The following RBFOX1 variants were observed in gnomAD, a reference collection of about 807,000 sequenced individuals.
RBFOX1 encodes the protein RNA binding fox-1 homolog 1, also known as RNA binding protein fox-1 homolog 1.
A neutral mutation model predicts 57.7 loss-of-function variants in RBFOX1; 8 were observed. That is an observed-to-expected ratio of 0.14 (90% confidence interval 0.08 to 0.25). The LOEUF (loss-of-function observed/expected upper bound fraction) is 0.25. Among genes scored for constraint, RBFOX1 ranks in the 10% least tolerant of loss-of-function variants. The pLI, the probability that RBFOX1 is intolerant of heterozygous loss-of-function variation, is 1.00. For missense variants in RBFOX1, 611 were observed against 548.5 expected (o/e 1.11, Z -1.14); for synonymous variants, 326 against 222.4 (o/e 1.47, Z -4.15).
chr16:6,153,198 A>G (rs2096812025), intron 1 of RBFOX1, among the ~76,000 whole-genome samples: 1 of 152,064 alleles, frequency 6.6e-6, no homozygotes. Flanking sequence ...TAGAAACACT[A>G]AGCAAAAGAA....
chr16:7,044,535 T>A (rs564387676), intron 3 of RBFOX1, among the ~76,000 whole-genome samples: 76 of 152,284 alleles, frequency 5.0e-4, no homozygotes, highest in Admixed American at 9.2e-4. Context: ...CATGCTGAAG[T>A]TTATTGCTTC....
At chr16:5,904,508 A>G (rs576979400) in intron 4 of RBFOX1, among the ~76,000 whole-genome samples, 2 of 151,798 alleles carry the variant, frequency 1.3e-5, no homozygotes, top group South Asian at 4.2e-4. Flanking sequence ...GAATGTGGGG[A>G]TGGTGGTGGG....
At chr16:5,796,446 A>G (rs2054881783) in intron 3 of RBFOX1, among the ~76,000 whole-genome samples, 1 of 152,200 alleles carries the variant, frequency 6.6e-6, no homozygotes, top group Non-Finnish European at 1.5e-5. Context: ...AAAGCATCAC[A>G]TGGGGTCAGA....
intron 4 of RBFOX1, among the ~76,000 whole-genome samples, chr16:5,913,062 C>T (rs192206682): frequency 7.9e-5 from 12 of 152,266 alleles, no homozygotes; most frequent in Admixed American, 5.2e-4. Context: ...TGACCTTAGG[C>T]GAGTCCCTTG....
intron 4 of RBFOX1, among the ~76,000 whole-genome samples, chr16:7,077,352 T>C (rs975878463): frequency 6.6e-6 from 1 of 152,216 alleles, no homozygotes; most frequent in African/African-American, 2.4e-5. Context: ...CAATGAGTTT[T>C]ACGTGATGAA....
rs139630775 is a variant in RBFOX1, at chr16:6,348,801, C to T, written c.-64+31744C>T. Among the ~76,000 whole-genome samples, 542 of 152,234 alleles carry T rather than the reference C, an allele frequency of 3.6e-3. 2 individuals carry two copies. Among genetic ancestry groups the T allele is most frequent in the Non-Finnish European group, 4.7e-3 (323 of 68,024 alleles). ...TCCACACCCTTGATCCCATCACCTCCCATCAGGCCCCACCTCCAACACTGG... is the reference window on the plus strand; with the variant it reads ...TCCACACCCTTGATCCCATCACCTCTCATCAGGCCCCACCTCCAACACTGG... On this transcript the variant is annotated intron_variant, in intron 2 of 15. Coordinates refer to ENST00000550418, the MANE Select transcript of RBFOX1 (RefSeq NM_018723.4).
intron 4 of RBFOX1, among the ~76,000 whole-genome samples, chr16:5,987,221 G>T (rs901654218): frequency 6.6e-6 from 1 of 151,926 alleles, no homozygotes; most frequent in African/African-American, 2.4e-5. Flanking sequence ...TAATTGGATT[G>T]GTTTTTTTCT....
chr16:7,119,121 T>C (rs1287048111), intron 4 of RBFOX1, among the ~76,000 whole-genome samples: 2 of 152,142 alleles, frequency 1.3e-5, no homozygotes, highest in Admixed American at 6.6e-5. Flanking sequence ...AGTGTTGCAA[T>C]GTATGTGTGC....
At chr16:5,615,724 G>T (rs1251021819) in intron 3 of RBFOX1, among the ~76,000 whole-genome samples, 1 of 152,208 alleles carries the variant, frequency 6.6e-6, no homozygotes, top group Non-Finnish European at 1.5e-5. Flanking sequence ...TGTGGGACCT[G>T]AGCCTGGATC....
intron 1 of RBFOX1, among the ~76,000 whole-genome samples, chr16:6,241,716 A>T (rs767006994): frequency 2.6e-5 from 4 of 152,318 alleles, no homozygotes; most frequent in Non-Finnish European, 4.4e-5. Flanking sequence ...AACAATCAAC[A>T]CCAATCAAGG....
intron 2 of RBFOX1, among the ~76,000 whole-genome samples, chr16:5,585,943 T>A: frequency 6.6e-6 from 1 of 152,210 alleles, no homozygotes. Context: ...TATGATCTTA[T>A]GTGGAAACAG....
intron 13 of RBFOX1, among the ~76,000 whole-genome samples, chr16:7,674,363 C>T (rs769797049): frequency 3.3e-5 from 5 of 152,128 alleles, no homozygotes; most frequent in East Asian, 1.9e-4. Context: ...GTTCATTGCA[C>T]TAGTTACCTT....
At chr16:6,698,194 G>A (rs34741280) in intron 3 of RBFOX1, among the ~76,000 whole-genome samples, 11,332 of 151,994 alleles carry the variant, frequency 0.075, 547 homozygotes, top group African/African-American at 0.14. Flanking sequence ...ACTTTCCCTC[G>A]TGCTCCAATT....
chr16:6,221,029 T>G (rs889470671), intron 1 of RBFOX1, among the ~76,000 whole-genome samples: 2 of 152,110 alleles, frequency 1.3e-5, no homozygotes, highest in African/African-American at 4.8e-5. Flanking sequence ...TAGGTGAAAT[T>G]AAATTTTACT....
rs57523660 is a variant in RBFOX1, at chr16:6,278,377, C to CAAAAAAAA, written c.-126-38590_-126-38583dup. 7.5e-4 allele frequency among the ~76,000 whole-genome samples: 21 copies of CAAAAAAAA among 28,068 alleles called. 4 individuals are homozygous for CAAAAAAAA. Among genetic ancestry groups the CAAAAAAAA allele is most frequent in the African/African-American group, 2.1e-3 (17 of 7,942 alleles). 18.4% of individuals were successfully genotyped at this position (28,068 alleles called of 152,430 possible). ...AACTGGGGGAAATTGTAGGACTCACCAAAAAAAAAAAAAAAAAAAAAAAAA... is the reference window on the plus strand; with the variant it reads ...AACTGGGGGAAATTGTAGGACTCACCAAAAAAAAAAAAAAAAAAAAAAAAAAAAAAAAA... On this transcript the variant is annotated intron_variant, in intron 1 of 15. Transcript: ENST00000550418.
chr16:7,604,088 G>A (rs8062126), intron 9 of RBFOX1, among the ~76,000 whole-genome samples: 2 of 152,158 alleles, frequency 1.3e-5, no homozygotes, highest in African/African-American at 4.8e-5. Flanking sequence ...CACACATGGG[G>A]TATGAGGGTA....
At chr16:6,416,696 A>C (rs944060911) in intron 2 of RBFOX1, among the ~76,000 whole-genome samples, 4 of 152,138 alleles carry the variant, frequency 2.6e-5, no homozygotes, top group Non-Finnish European at 4.4e-5. Context: ...CGCCCATGTT[A>C]CTGCTGCATT....
At chr16:5,556,606 C>G (rs1199408207) in intron 2 of RBFOX1, among the ~76,000 whole-genome samples, 1 of 152,214 alleles carries the variant, frequency 6.6e-6, no homozygotes, top group Non-Finnish European at 1.5e-5. Context: ...GGCTGAGCTG[C>G]AGAGGATGCC....
chr16:5,661,121 G>A lies in RBFOX1; in HGVS notation c.318+62160G>A, dbSNP rs116820734. ...TGGGAAAAGAAAGGAAACTTAAAAG[G>A]CCTCCTGTCTTTCCTCACTATATAT... On this transcript the variant is annotated intron_variant, in intron 3 of 19. Transcript: ENST00000641259. Among the ~76,000 whole-genome samples the A allele has an allele frequency of 5.7e-3, 863 of 152,244 alleles. 10 individuals carry two copies. The highest frequency in any genetic ancestry group is 0.02 in the African/African-American group (825 of 41,540).
Sources: gnomAD v4.1 joint callset for allele counts (sites outside exome capture counted in the v4.1 genomes callset) on GRCh38, gnomAD v4.1.1 for gene constraint, MANE v1.5 for transcripts, NCBI Gene and HGNC (gene_info 2026-07-23, HGNC 2026-07-21) for gene names.